The following STK3 variants were observed in gnomAD, a reference collection of about 807,000 sequenced individuals.
The protein encoded by STK3 is serine/threonine-protein kinase 3.
Under a neutral mutation model 58.0 loss-of-function variants are expected in STK3, and 41 were observed. The ratio of observed to expected loss-of-function variants is 0.71; its 90% CI spans 0.55 to 0.92. The LOEUF (loss-of-function observed/expected upper bound fraction) is 0.92, where lower values mean the gene tolerates loss of function less well. Among genes scored for constraint, STK3 ranks in the 40% least tolerant of loss-of-function variants. STK3 has a pLI of 0.00. For missense variants in STK3, 479 were observed against 602.7 expected (o/e 0.79, Z 2.15); for synonymous variants, 170 against 191.0 (o/e 0.89, Z 0.91).
chr8:98,474,219 C>G (rs921553213), intron 10 of STK3, among the ~76,000 whole-genome samples: 4 of 152,180 alleles, frequency 2.6e-5, no homozygotes, highest in African/African-American at 9.7e-5. Flanking sequence ...CTTGAGCACA[C>G]TGTTTCAATA....
intron 3 of STK3, among the ~76,000 whole-genome samples, chr8:98,394,605 GTA>G (rs1342111220): frequency 3.7e-4 from 56 of 152,266 alleles, no homozygotes; most frequent in African/African-American, 1.3e-3. Flanking sequence ...AAAAATATTG[GTA>G]GATTGTGTTT....
At chr8:98,714,658 C>A (rs1479242208) in intron 4 of STK3, among the ~76,000 whole-genome samples, 1 of 152,170 alleles carries the variant, frequency 6.6e-6, no homozygotes, top group East Asian at 1.9e-4. Context: ...CAAGAACATT[C>A]CATGCTCATG....
chr8:98,788,908 T>A (rs749726270), intron 1 of STK3, among the ~76,000 whole-genome samples: 1 of 152,154 alleles, frequency 6.6e-6, no homozygotes, highest in East Asian at 1.9e-4. Context: ...CTGGAACAAA[T>A]GGACTTAACA....
chr8:98,399,888 T>A (rs1817926983), downstream of STK3, among the ~76,000 whole-genome samples: 1 of 152,224 alleles, frequency 6.6e-6, no homozygotes, highest in Non-Finnish European at 1.5e-5. Context: ...GGTCACCCTC[T>A]ATTGCTGCCC....
chr8:98,915,160 C>T (rs1467653085), intron 1 of STK3, among the ~76,000 whole-genome samples: 1 of 152,004 alleles, frequency 6.6e-6, no homozygotes, highest in South Asian at 2.1e-4. Flanking sequence ...AGGAGATAAA[C>T]ATTTGAGTCA....
intron 6 of STK3, among the ~76,000 whole-genome samples, chr8:98,699,659 G>A (rs561819749): frequency 3.2e-4 from 48 of 152,294 alleles, no homozygotes; most frequent in African/African-American, 1.1e-3. Context: ...TACCAGCAGC[G>A]GTGGCTGCAG....
intron 6 of STK3, among the ~76,000 whole-genome samples, chr8:98,630,486 T>A (rs1206738786): frequency 1.3e-5 from 2 of 151,852 alleles, no homozygotes; most frequent in South Asian, 2.1e-4. Context: ...CACAAAAAAA[T>A]TTTAAAAATT....
At chr8:98,787,466 A>T (rs1456768466) in intron 1 of STK3, among the ~76,000 whole-genome samples, 4 of 152,154 alleles carry the variant, frequency 2.6e-5, no homozygotes, top group Non-Finnish European at 5.9e-5. Flanking sequence ...AATAATCAGC[A>T]TTCCTGAGAA....
intron 2 of STK3, among the ~76,000 whole-genome samples, chr8:98,372,996 TTTATAA>T (rs925539341): frequency 2.6e-5 from 4 of 152,240 alleles, no homozygotes; most frequent in African/African-American, 7.2e-5. Context: ...TTATTTCTTC[TTTATAA>T]TTAACTTCCC....
chr8:98,757,140 T>C (rs1307312409), intron 3 of STK3, among the ~76,000 whole-genome samples: 2 of 151,984 alleles, frequency 1.3e-5, no homozygotes, highest in Non-Finnish European at 2.9e-5. Flanking sequence ...ATAGCAATAG[T>C]CTCTTGATCT....
intron 7 of STK3, among the ~76,000 whole-genome samples, chr8:98,592,213 C>T (rs1157889813): frequency 2.0e-5 from 3 of 152,326 alleles, no homozygotes; most frequent in South Asian, 4.1e-4. Flanking sequence ...ACCCTTCTTG[C>T]TTCACTGTTG....
chr8:98,544,563 CT>C (rs1485171445), intron 9 of STK3, among the ~76,000 whole-genome samples: 1 of 151,674 alleles, frequency 6.6e-6, no homozygotes, highest in Admixed American at 6.6e-5. Flanking sequence ...TGGTAGAACA[CT>C]TGAAAAGAAA....
At chr8:98,697,490 C>G (rs1320551079) in intron 6 of STK3, among the ~76,000 whole-genome samples, 1 of 152,140 alleles carries the variant, frequency 6.6e-6, no homozygotes, top group Non-Finnish European at 1.5e-5. Context: ...CTCTTGTGGG[C>G]ATTTAATGCT....
intron 10 of STK3, among the ~76,000 whole-genome samples, chr8:98,493,780 T>C (rs1370082850): frequency 6.6e-6 from 1 of 152,322 alleles, no homozygotes; most frequent in Non-Finnish European, 1.5e-5. Context: ...ATGGTACTTA[T>C]ATAACCAAAA....
chr8:98,713,721 C>T (rs1404131579), intron 4 of STK3, among the ~76,000 whole-genome samples: 2 of 152,158 alleles, frequency 1.3e-5, no homozygotes, highest in African/African-American at 2.4e-5. Flanking sequence ...GGTATCATTC[C>T]TTCTGAAACT....
chr8:98,679,999 AC>A (rs1823507768), intron 6 of STK3, among the ~76,000 whole-genome samples: 1 of 152,190 alleles, frequency 6.6e-6, no homozygotes, highest in Admixed American at 6.5e-5. Flanking sequence ...TATTGTTGGT[AC>A]TAAAAAGTAA....
chr8:98,448,856 CT>C (rs907469553), intron 1 of STK3, among the ~76,000 whole-genome samples: 3 of 152,026 alleles, frequency 2.0e-5, no homozygotes, highest in African/African-American at 4.8e-5. Flanking sequence ...TTGCTCTCAT[CT>C]TTTTTTTCCT....
At chr8:98,865,712 C>T (rs895126324) in intron 3 of STK3, among the ~76,000 whole-genome samples, 4 of 152,210 alleles carry the variant, frequency 2.6e-5, no homozygotes, top group African/African-American at 4.8e-5. Flanking sequence ...AGTTATACGA[C>T]GTGCCTTTAA....
chr8:98,709,170 T>C (rs949502365), intron 4 of STK3, among the ~76,000 whole-genome samples: 1 of 152,008 alleles, frequency 6.6e-6, no homozygotes, highest in Admixed American at 6.6e-5. Context: ...GATAATTTGA[T>C]AGAAAATAGG....
Sources: allele counts gnomAD v4.1 joint callset (sites outside exome capture counted in the v4.1 genomes callset), GRCh38; gene constraint gnomAD v4.1.1; transcripts MANE v1.5; gene names NCBI Gene and HGNC (gene_info 2026-07-23, HGNC 2026-07-21).